Variants in LANCL2 observed in about 807,000 individuals in gnomAD.
LANCL2 encodes LanC like glutathione S-transferase 2, also known as lanC-like protein 2.
A neutral mutation model predicts 56.9 loss-of-function variants in LANCL2; 33 were observed. The ratio of observed to expected loss-of-function variants is 0.58; its 90% confidence interval spans 0.44 to 0.78. The LOEUF is 0.78. Ranked by LOEUF, LANCL2 falls within the 30% of genes least tolerant of loss-of-function variation. The pLI is 0.00. For missense variants in LANCL2, 562 were observed against 580.2 expected, an observed-to-expected ratio of 0.97 and a Z score of 0.32; for synonymous variants, 233 against 228.2, an observed-to-expected ratio of 1.02 and a Z score of -0.19.
At chr7:55,371,982 A>G (rs1789948730) in intron 1 of LANCL2, among the ~76,000 whole-genome samples, 1 of 151,992 alleles carries the variant, frequency 6.6e-6, no homozygotes, top group East Asian at 1.9e-4. Flanking sequence ...AGGTTTGTGG[A>G]CCTAAATCAT....
chr7:55,402,465 G>A (rs1468557718), intron 5 of LANCL2, among the ~76,000 whole-genome samples: 4 of 140,772 alleles, frequency 2.8e-5, no homozygotes, highest in South Asian at 2.2e-4. Flanking sequence ...GCGGCTGGCC[G>A]GGCAGAGGGG....
intron 1 of LANCL2, among the ~76,000 whole-genome samples, chr7:55,380,693 C>T (rs1040793035): frequency 6.6e-6 from 1 of 151,180 alleles, no homozygotes; most frequent in African/African-American, 2.4e-5. Context: ...GAGGGAGGTT[C>T]TGTAGAGTGC....
chr7:55,415,138 A>G (rs1241134520), intron 6 of LANCL2, among the ~76,000 whole-genome samples: 2 of 152,178 alleles, frequency 1.3e-5, no homozygotes, highest in Admixed American at 6.5e-5. Flanking sequence ...CCTTCTATTC[A>G]CGTTTTGAGT....
intron 1 of LANCL2, among the ~76,000 whole-genome samples, chr7:55,367,566 G>GA (rs1264337944): frequency 6.6e-6 from 1 of 152,146 alleles, no homozygotes; most frequent in Non-Finnish European, 1.5e-5. Flanking sequence ...CTCTACAAAA[G>GA]AAAAATACAA....
chr7:55,402,792 A>C (rs1790355492), intron 5 of LANCL2, among the ~76,000 whole-genome samples: 1 of 115,694 alleles, frequency 8.6e-6, no homozygotes, highest in African/African-American at 3.6e-5. Context: ...GGGTCTCCTC[A>C]CTTCTCAGAC....
rs1790303344 is a variant in LANCL2 at position 55,400,075 on chromosome 7, G to T, written c.649G>T (p.Gly217Cys). The T allele has an allele frequency of 1.2e-6, 2 of 1,610,562 alleles. No individual in the cohort carries two copies. The highest frequency in any genetic ancestry group is 2.2e-5 in the South Asian group (2 of 90,600). The change falls in exon 4 of 9, where the codon GGC becomes TGC. Residue 217 changes from glycine to cysteine, a missense_variant. Around this residue, in one of 2 missense-constraint regions of LANCL2, gnomAD observed 378 missense variants for 468.4 expected, o/e 0.81. Coordinates refer to ENST00000254770, the MANE Select transcript of LANCL2 (RefSeq NM_018697.4). ...LLYLNTEIGP[G>C]TVCESAIKEV... is the part of the protein sequence containing the mutation. Reference sequence around the variant, plus strand: ...GTACCTGAACACAGAGATAGGTCCAGGCACCGTGTGTGAGTCAGCTATTAA... The same window carrying T: ...GTACCTGAACACAGAGATAGGTCCATGCACCGTGTGTGAGTCAGCTATTAA...
Position 55,399,948 on chromosome 7 carries a change from AT to A in LANCL2, c.531-7del, listed in dbSNP as rs1215232169. The A allele has an allele frequency of 2.5e-6, 4 of 1,600,952 alleles. No individual in the cohort carries two copies. In the South Asian group the frequency reaches 4.5e-5, roughly 18 times the overall value. On this transcript the variant is annotated splice_region_variant and splice_polypyrimidine_tract_variant and intron_variant, in intron 3 of 8. Transcript: ENST00000254770. ...CACTGGGAAAAAATTAATTTTTCTT[AT>A]TGGTTAGACTTTTGCAGCTCCAGAG...
intron 2 of LANCL2, among the ~76,000 whole-genome samples, chr7:55,396,369 T>A (rs1232439559): frequency 6.6e-6 from 1 of 152,190 alleles, no homozygotes; most frequent in African/African-American, 2.4e-5. Context: ...CTGGAGAAAT[T>A]GCTTCACCGG....
intron 1 of LANCL2, among the ~76,000 whole-genome samples, chr7:55,385,485 G>A (rs553642301): frequency 1.6e-4 from 24 of 152,272 alleles, no homozygotes; most frequent in East Asian, 3.9e-4. Flanking sequence ...AAAGCTGGGC[G>A]TCCGGGGGAG....
intron 2 of LANCL2, among the ~76,000 whole-genome samples, chr7:55,397,701 C>T (rs1244714432): frequency 1.1e-4 from 13 of 120,642 alleles, no homozygotes; most frequent in Non-Finnish European, 2.2e-4. Context: ...ATTGTCTTCT[C>T]GAACCCAGAT....
chr7:55,384,478 G>A (rs1790103493), intron 1 of LANCL2, among the ~76,000 whole-genome samples: 1 of 152,076 alleles, frequency 6.6e-6, no homozygotes, highest in Non-Finnish European at 1.5e-5. Flanking sequence ...CGTGAACCTG[G>A]GAGGCGGAGC....
At chr7:55,378,928 C>T (rs1432342778) in intron 1 of LANCL2, among the ~76,000 whole-genome samples, 1 of 152,144 alleles carries the variant, frequency 6.6e-6, no homozygotes, top group African/African-American at 2.4e-5. Context: ...GTCAGGAGAT[C>T]GAGACCATCC....
At chr7:55,381,103 T>C (rs1790063572) in intron 1 of LANCL2, among the ~76,000 whole-genome samples, 1 of 152,112 alleles carries the variant, frequency 6.6e-6, no homozygotes, top group Admixed American at 6.5e-5. Flanking sequence ...ACTCCTGACC[T>C]CAGGTGTTCT....
Position 55,366,114 on chromosome 7 carries a change from A to G in LANCL2, c.89A>G (p.Asp30Gly). Residue 30 changes from aspartate to glycine, a missense_variant, in exon 1 of 9, where the codon GAC (aspartate) becomes GGC (glycine). Asp to Gly is a moderately conservative substitution (Grantham distance 94). This residue lies in a region of LANCL2 where 184 missense variants were observed against 111.8 expected (regional missense o/e 1.65). Coordinates refer to ENST00000254770, the MANE Select transcript of LANCL2 (RefSeq NM_018697.4). ...EERAFVNPFPDYEAAAGALLA... is the reference protein window; with the variant it reads ...EERAFVNPFPGYEAAAGALLA... ...CGGGCGTTCGTCAACCCCTTCCCGG[A>G]CTACGAGGCCGCCGCCGGGGCGCTG... 2 of 1,545,930 alleles carry G rather than the reference A, an allele frequency of 1.3e-6. No individual in the cohort carries two copies. The highest frequency in any genetic ancestry group is 1.8e-6 in the Non-Finnish European group (2 of 1,142,672).
At chr7:55,423,120 G>A (rs1790626515) in intron 6 of LANCL2, among the ~76,000 whole-genome samples, 1 of 152,230 alleles carries the variant, frequency 6.6e-6, no homozygotes, top group Non-Finnish European at 1.5e-5. Flanking sequence ...GTAATACAAT[G>A]TGGAGAAGAT....
intron 6 of LANCL2, among the ~76,000 whole-genome samples, chr7:55,422,107 T>C (rs936836938): frequency 6.6e-5 from 10 of 152,232 alleles, no homozygotes; most frequent in Middle Eastern, 3.2e-3. Context: ...TTTTGATATT[T>C]ATTTATGTAT....
intron 7 of LANCL2, among the ~76,000 whole-genome samples, chr7:55,426,577 C>T (rs1245172365): frequency 3.9e-5 from 6 of 152,186 alleles, no homozygotes; most frequent in Non-Finnish European, 8.8e-5. Context: ...GTGGCTCCCC[C>T]ACTGATGGAA....
intron 8 of LANCL2, among the ~76,000 whole-genome samples, chr7:55,429,921 C>T (rs531483242): frequency 3.3e-5 from 5 of 152,360 alleles, no homozygotes; most frequent in Non-Finnish European, 5.9e-5. Flanking sequence ...ATTATTAAGC[C>T]GTGTGCCTAG....
rs574908198 is a variant in LANCL2 at position 55,428,256 on chromosome 7, T to C, written c.1186-119T>C. 4.7e-6 allele frequency: 4 copies of C among 858,868 alleles called. No homozygotes were observed. In the East Asian group the frequency reaches 9.8e-5, roughly 21 times the overall value. The allele number at this position is 858,868 out of a possible 1,614,324, so 53.2% of individuals were successfully genotyped here. ...GTGCAGTAGCCCATGGAGCCCACGC[T>C]GAATGCCCTACAGCTGGGGGTCCAC... On this transcript the variant is annotated intron_variant, in intron 7 of 8. Coordinates refer to ENST00000254770, the MANE Select transcript of LANCL2 (RefSeq NM_018697.4).
Sources: gnomAD v4.1 joint callset for allele counts (sites outside exome capture counted in the v4.1 genomes callset) on GRCh38, gnomAD v4.1.1 for gene constraint, gnomAD v4.1.1 regional missense constraint, MANE v1.5 for transcripts, NCBI Gene and HGNC (gene_info 2026-07-23, HGNC 2026-07-21) for gene names.